FAF1: variants seen among roughly 807,000 people sequenced by gnomAD.
FAF1 encodes the protein FAS-associated factor 1.
A neutral mutation model predicts 92.5 loss-of-function variants in FAF1; 25 were observed. The ratio of observed to expected loss-of-function variants is 0.27; its 90% CI spans 0.20 to 0.38. The LOEUF is 0.38. FAF1 is among the 10% of genes least tolerant of loss of function. FAF1 has a pLI of 1.00. For missense variants in FAF1, 636 were observed against 793.3 expected (o/e 0.80, Z 2.38); for synonymous variants, 234 against 273.2 (o/e 0.86, Z 1.42).
At chr1:50,505,304 C>T (rs922156530) in intron 15 of FAF1, among the ~76,000 whole-genome samples, 1 of 152,108 alleles carries the variant, frequency 6.6e-6, no homozygotes, top group Non-Finnish European at 1.5e-5. Context: ...TACACAGGAA[C>T]ATGTTCACTG....
chr1:50,450,038 T>C (rs1646276071), intron 18 of FAF1, among the ~76,000 whole-genome samples: 1 of 151,398 alleles, frequency 6.6e-6, no homozygotes, highest in Non-Finnish European at 1.5e-5. Context: ...TTACTAAAAA[T>C]ACAAAAATTA....
chr1:50,452,947 T>C (rs1233322297), intron 18 of FAF1, among the ~76,000 whole-genome samples: 1 of 152,232 alleles, frequency 6.6e-6, no homozygotes, highest in African/African-American at 2.4e-5. Context: ...TCTGGGTCTA[T>C]CTCCTTCACA....
intron 15 of FAF1, among the ~76,000 whole-genome samples, chr1:50,527,560 A>G (rs1248305458): frequency 6.6e-6 from 1 of 152,184 alleles, no homozygotes; most frequent in Admixed American, 6.5e-5. Context: ...AAACTTCTGT[A>G]ATATATATTT....
rs34420030 is a variant in FAF1 at position 50,556,238 on chromosome 1, CAAAA to C, written c.1268+10835_1268+10838del. ...GGGCGAAAGAGCGAGACTCCATCTC[CAAAA>C]AAAAAAAAAAAAAAAAAAGAATAAG... On this transcript the variant is annotated intron_variant, in intron 13 of 18. Transcript: ENST00000396153. Among the ~76,000 whole-genome samples the C allele has an allele frequency of 6.0e-4, 44 of 73,804 alleles. 1 individual carries two copies. Among genetic ancestry groups the C allele is most frequent in the Admixed American group, 3.5e-4 (2 of 5,644 alleles). The allele number at this position is 73,804 out of a possible 152,430, so 48.4% of individuals were successfully genotyped here.
At chr1:50,916,455 T>C (rs1185640623) in intron 1 of FAF1, among the ~76,000 whole-genome samples, 3 of 152,214 alleles carry the variant, frequency 2.0e-5, no homozygotes, top group Non-Finnish European at 4.4e-5. Flanking sequence ...ATAATAATGA[T>C]GCCTCTTTCT....
intron 7 of FAF1, among the ~76,000 whole-genome samples, chr1:50,678,715 G>A (rs1402609204): frequency 2.1e-5 from 3 of 141,626 alleles, no homozygotes; most frequent in African/African-American, 7.9e-5. Context: ...GGGAGGCAGA[G>A]GTTGCAGTGA....
chr1:50,846,173 T>C (rs1211778068), intron 2 of FAF1, among the ~76,000 whole-genome samples: 1 of 151,634 alleles, frequency 6.6e-6, no homozygotes, highest in Non-Finnish European at 1.5e-5. Context: ...TTTCCAGGCA[T>C]AAAATCTATT....
chr1:50,689,571 G>A (rs753791702), intron 7 of FAF1, among the ~76,000 whole-genome samples: 29 of 151,970 alleles, frequency 1.9e-4, no homozygotes, highest in Non-Finnish European at 2.6e-4. Flanking sequence ...GCGACAGAGC[G>A]AGACTCCGTC....
At chr1:50,824,483 C>T (rs532588511) in intron 2 of FAF1, among the ~76,000 whole-genome samples, 10 of 149,664 alleles carry the variant, frequency 6.7e-5, no homozygotes, top group Non-Finnish European at 1.0e-4. Flanking sequence ...CTGATTAATG[C>T]GAAAAAAAAA....
intron 8 of FAF1, among the ~76,000 whole-genome samples, chr1:50,637,681 A>ATATATATG (rs1553123409): frequency 3.6e-5 from 5 of 137,098 alleles, no homozygotes; most frequent in Non-Finnish European, 6.2e-5. Context: ...ACATATATAT[A>ATATATATG]TGTGTGTGTG....
At chr1:50,484,297 T>C (rs1332703412) in intron 17 of FAF1, among the ~76,000 whole-genome samples, 2 of 152,086 alleles carry the variant, frequency 1.3e-5, no homozygotes, top group Non-Finnish European at 1.5e-5. Flanking sequence ...AAAATTCAAA[T>C]AGATGATTTT....
intron 18 of FAF1, among the ~76,000 whole-genome samples, chr1:50,454,262 C>T (rs146700924): frequency 6.6e-6 from 1 of 152,310 alleles, no homozygotes; most frequent in East Asian, 1.9e-4. Flanking sequence ...TTTGCTATTC[C>T]TCAAATATGT....
intron 5 of FAF1, among the ~76,000 whole-genome samples, chr1:50,739,396 A>ATACATATATGTG (rs1557502961): frequency 1.6e-4 from 19 of 117,674 alleles, no homozygotes; most frequent in African/African-American, 8.5e-4. Context: ...ATGTGTGTTT[A>ATACATATATGTG]TGTGTATGTG....
At chr1:50,703,078 C>T (rs1418405137) in intron 7 of FAF1, among the ~76,000 whole-genome samples, 2 of 151,654 alleles carry the variant, frequency 1.3e-5, no homozygotes, top group Admixed American at 6.6e-5. Context: ...TTTTTCCTTT[C>T]CCTCAATTAT....
At chr1:50,886,803 A>C (rs1301554306) in intron 1 of FAF1, among the ~76,000 whole-genome samples, 1 of 152,152 alleles carries the variant, frequency 6.6e-6, no homozygotes, top group Non-Finnish European at 1.5e-5. Context: ...GTTGGTTCCA[A>C]GTCTTTGCTA....
chr1:50,743,026 T>A (rs577978523), intron 5 of FAF1, among the ~76,000 whole-genome samples: 1 of 152,338 alleles, frequency 6.6e-6, no homozygotes, highest in South Asian at 2.1e-4. Flanking sequence ...ATGCTCGATG[T>A]TTCACATATT....
At chr1:50,680,909 G>A (rs182919248) in intron 7 of FAF1, among the ~76,000 whole-genome samples, 74 of 152,066 alleles carry the variant, frequency 4.9e-4, no homozygotes, top group African/African-American at 1.8e-3. Flanking sequence ...CTGAAGCATA[G>A]AATTTAAGCA....
At chr1:50,924,015 C>T (rs1644985602) in intron 1 of FAF1, among the ~76,000 whole-genome samples, 1 of 152,142 alleles carries the variant, frequency 6.6e-6, no homozygotes, top group Non-Finnish European at 1.5e-5. Flanking sequence ...ACATGACGAA[C>T]ATGCCCACTT....
chr1:50,641,408 T>C (rs1654320986), intron 8 of FAF1, among the ~76,000 whole-genome samples: 1 of 152,232 alleles, frequency 6.6e-6, no homozygotes, highest in Non-Finnish European at 1.5e-5. Flanking sequence ...TAGTTTAAAA[T>C]GTTACCAATC....
Sources: allele counts gnomAD v4.1 joint callset (sites outside exome capture counted in the v4.1 genomes callset), GRCh38; gene constraint gnomAD v4.1.1; transcripts MANE v1.5; gene names NCBI Gene and HGNC (gene_info 2026-07-23, HGNC 2026-07-21).